RPS6KC1: variants seen among roughly 807,000 people sequenced by gnomAD.
The protein encoded by RPS6KC1 is ribosomal protein S6 kinase C1.
RPS6KC1 carries 54 observed loss-of-function variants against 103.8 expected under a neutral mutation model. The observed-to-expected ratio is 0.52, with a 90% CI of 0.42 to 0.65. The LOEUF (loss-of-function observed/expected upper bound fraction) is 0.65, where lower values mean the gene tolerates loss of function less well. Among genes scored for constraint, RPS6KC1 ranks in the 30% least tolerant of loss-of-function variants. The probability of loss-of-function intolerance (pLI) is 0.00; values close to 1 mark genes in which losing one functional copy is unlikely to be tolerated. For synonymous variants in RPS6KC1, 439 were observed against 438.7 expected (o/e 1.00, Z -0.01); for missense variants, 1,151 against 1,253.8 (o/e 0.92, Z 1.24).
chr1:213,202,333 G>A (rs1347078308), intron 8 of RPS6KC1, among the ~76,000 whole-genome samples: 2 of 152,116 alleles, frequency 1.3e-5, no homozygotes, highest in African/African-American at 4.8e-5. Context: ...TACAGCAGCT[G>A]GGCGTGGTGG....
the RPS6KC1 span, among the ~76,000 whole-genome samples, chr1:213,361,494 C>A: frequency 2.0e-4 from 31 of 152,238 alleles, no homozygotes; most frequent in Admixed American, 6.5e-5. Context: ...TCCCTGACCC[C>A]TTGCAGTTCC....
chr1:213,508,426 A>G, the RPS6KC1 span, among the ~76,000 whole-genome samples: 1 of 152,214 alleles, frequency 6.6e-6, no homozygotes, highest in Non-Finnish European at 1.5e-5. Context: ...TATTAGCTCC[A>G]TTACCAATTC....
intron 8 of RPS6KC1, among the ~76,000 whole-genome samples, chr1:213,186,603 A>G (rs749214873): frequency 2.2e-4 from 34 of 151,996 alleles, no homozygotes; most frequent in African/African-American, 6.8e-4. Flanking sequence ...ATTTTTTTGT[A>G]TCTGGATATG....
intron 7 of RPS6KC1, among the ~76,000 whole-genome samples, chr1:213,168,630 C>G (rs893997460): frequency 6.7e-6 from 1 of 148,450 alleles, no homozygotes; most frequent in Non-Finnish European, 1.5e-5. Context: ...CTTTTCTTTT[C>G]TTTTTTTTTT....
chr1:213,720,986 C>G, the RPS6KC1 span, among the ~76,000 whole-genome samples: 2 of 151,950 alleles, frequency 1.3e-5, no homozygotes, highest in Non-Finnish European at 2.9e-5. Context: ...GGAGAAAATT[C>G]TATGAAACTA....
intron 1 of RPS6KC1, among the ~76,000 whole-genome samples, chr1:213,055,389 G>A (rs2077254735): frequency 6.6e-6 from 1 of 151,850 alleles, no homozygotes; most frequent in South Asian, 2.1e-4. Context: ...ATGTTGTCAT[G>A]TGTTTCATTC....
chr1:213,494,873 G>GA, the RPS6KC1 span, among the ~76,000 whole-genome samples: 51 of 145,306 alleles, frequency 3.5e-4, no homozygotes, highest in East Asian at 8.0e-4. Context: ...TAGACATCCT[G>GA]AAAAAAAAAA....
At chr1:213,662,125 C>T in the RPS6KC1 span, among the ~76,000 whole-genome samples, 178 of 151,992 alleles carry the variant, frequency 1.2e-3, no homozygotes, top group African/African-American at 3.9e-3. Context: ...CCACTCCCCT[C>T]GAGACACACT....
chr1:213,800,480 A>G, the RPS6KC1 span, among the ~76,000 whole-genome samples: 344 of 151,988 alleles, frequency 2.3e-3, no homozygotes, highest in African/African-American at 8.1e-3. Flanking sequence ...ATGGTCAGGA[A>G]TATTGGTCAG....
chr1:213,712,464 G>C, the RPS6KC1 span, among the ~76,000 whole-genome samples: 1 of 152,216 alleles, frequency 6.6e-6, no homozygotes, highest in Non-Finnish European at 1.5e-5. Flanking sequence ...ATGGGGGTGG[G>C]ATCCACTGAG....
Position 213,051,273 on chromosome 1 carries a change from C to A in RPS6KC1, c.-132C>A. The A allele has an allele frequency of 3.1e-6, 2 of 642,344 alleles. No individual in the cohort carries two copies. Among genetic ancestry groups the A allele is most frequent in the Non-Finnish European group, 2.7e-6 (1 of 366,576 alleles). The allele number at this position is 642,344 out of a possible 1,614,324, so 39.8% of individuals were successfully genotyped here. On this transcript the variant is annotated 5_prime_UTR_variant, in exon 1 of 15. Coordinates refer to ENST00000366960, the MANE Select transcript of RPS6KC1 (RefSeq NM_012424.6). The stretch of plus-strand genomic sequence containing the variant: ...AAGCAGAGCTGTGCAGCTGAGGCGC[C>A]GCCGTGGAGCCGCCTTGGAGCCACC...
chr1:213,196,102 G>A (rs1338915841), intron 8 of RPS6KC1, among the ~76,000 whole-genome samples: 1 of 152,070 alleles, frequency 6.6e-6, no homozygotes, highest in Non-Finnish European at 1.5e-5. Flanking sequence ...CACTAGCAGT[G>A]TAGAAGTGTT....
At chr1:213,484,561 C>G in the RPS6KC1 span, among the ~76,000 whole-genome samples, 54,405 of 152,120 alleles carry the variant, frequency 0.36, 10,271 homozygotes, top group East Asian at 0.52. Flanking sequence ...TTCATTGCCT[C>G]ATTTTGAAAG....
the RPS6KC1 span, among the ~76,000 whole-genome samples, chr1:213,371,787 G>A: frequency 2.0e-5 from 3 of 152,176 alleles, no homozygotes; most frequent in African/African-American, 7.2e-5. Context: ...GCACTGAAAT[G>A]GGGCACAGGC....
chr1:213,171,566 A>G, intron 7 of RPS6KC1, among the ~76,000 whole-genome samples: 1 of 152,192 alleles, frequency 6.6e-6, no homozygotes. Context: ...ATATGTTTTT[A>G]TGCAGTTACA....
chr1:213,665,263 A>G, the RPS6KC1 span, among the ~76,000 whole-genome samples: 2 of 152,154 alleles, frequency 1.3e-5, no homozygotes, highest in African/African-American at 4.8e-5. Flanking sequence ...TAAAAATTTA[A>G]CAAAAGTATC....
At chr1:213,665,259 T>G in the RPS6KC1 span, among the ~76,000 whole-genome samples, 25 of 151,888 alleles carry the variant, frequency 1.6e-4, no homozygotes, top group African/African-American at 5.8e-4. Context: ...AAATTAAAAA[T>G]TTAACAAAAG....
At chr1:213,363,786 CT>C in the RPS6KC1 span, among the ~76,000 whole-genome samples, 1 of 95,268 alleles carries the variant, frequency 1.0e-5, no homozygotes, top group Non-Finnish European at 2.0e-5. Flanking sequence ...TTCTTTCTTT[CT>C]TTCTTTCTTT....
chr1:213,861,799 A>G, the RPS6KC1 span, among the ~76,000 whole-genome samples: 2 of 152,196 alleles, frequency 1.3e-5, no homozygotes, highest in African/African-American at 4.8e-5. Context: ...GTCCAGTCGT[A>G]TCTTAATAAA....
Sources: gnomAD v4.1 joint callset for allele counts (sites outside exome capture counted in the v4.1 genomes callset) on GRCh38, gnomAD v4.1.1 for gene constraint, MANE v1.5 for transcripts, NCBI Gene and HGNC (gene_info 2026-07-23, HGNC 2026-07-21) for gene names.